Variants in CUEDC1 observed in about 807,000 individuals in gnomAD.
The protein encoded by CUEDC1 is CUE domain-containing protein 1.
A neutral mutation model predicts 43.7 loss-of-function variants in CUEDC1; 30 were observed. That is an observed-to-expected ratio of 0.69 (90% CI 0.51 to 0.93). CUEDC1 has a LOEUF of 0.93. Among genes scored for constraint, CUEDC1 ranks in the 40% least tolerant of loss-of-function variants. The pLI is 0.00. For missense variants in CUEDC1, 486 were observed against 549.0 expected, an observed-to-expected ratio of 0.89 and a Z score of 1.15; for synonymous variants, 223 against 223.6, an observed-to-expected ratio of 1.00 and a Z score of 0.02.
intron 10 of CUEDC1, 101 bp downstream of exon 10, chr17:57,866,373 G>A (rs2073957792): frequency 9.1e-7 from 1 of 1,094,762 alleles, no homozygotes; most frequent in East Asian, 2.4e-5. Flanking sequence ...CCAGTTGCCT[G>A]AGCCCAGCGC....
At chr17:57,937,731 C>T (rs2074875658) in intron 1 of CUEDC1, among the ~76,000 whole-genome samples, 1 of 151,812 alleles carries the variant, frequency 6.6e-6, no homozygotes, top group Non-Finnish European at 1.5e-5. Flanking sequence ...ATAGCAAGAC[C>T]CTATCTCTAC....
At chr17:57,878,729 C>G (rs184614788) in intron 3 of CUEDC1, among the ~76,000 whole-genome samples, 3 of 152,218 alleles carry the variant, frequency 2.0e-5, no homozygotes, top group East Asian at 1.9e-4. Flanking sequence ...TGCAGTGGCA[C>G]CATCTTGGCT....
At chr17:57,884,109 A>G (rs1297921420) in intron 2 of CUEDC1, among the ~76,000 whole-genome samples, 1 of 151,900 alleles carries the variant, frequency 6.6e-6, no homozygotes, top group Non-Finnish European at 1.5e-5. Context: ...GGCCACAGTC[A>G]GAGGGATTTA....
intron 2 of CUEDC1, among the ~76,000 whole-genome samples, chr17:57,882,414 G>T (rs555599329): frequency 2.0e-5 from 3 of 152,098 alleles, no homozygotes; most frequent in Non-Finnish European, 2.9e-5. Context: ...GCCTACCTAG[G>T]GGGTGGTGAA....
intron 1 of CUEDC1, among the ~76,000 whole-genome samples, chr17:57,945,232 T>C (rs979246750): frequency 6.6e-6 from 1 of 152,190 alleles, no homozygotes; most frequent in South Asian, 2.1e-4. Flanking sequence ...CCACAACTCA[T>C]TGAAATGGAT....
intron 1 of CUEDC1, among the ~76,000 whole-genome samples, chr17:57,919,327 G>A (rs2074677159): frequency 6.6e-6 from 1 of 151,756 alleles, no homozygotes; most frequent in Admixed American, 6.6e-5. Context: ...TTACAGGCAG[G>A]CACCACCATG....
intron 1 of CUEDC1, among the ~76,000 whole-genome samples, chr17:57,947,714 T>C (rs1488778636): frequency 6.6e-6 from 1 of 152,072 alleles, no homozygotes; most frequent in African/African-American, 2.4e-5. Flanking sequence ...GACACAAGAA[T>C]CATTTGAAAC....
intron 1 of CUEDC1, among the ~76,000 whole-genome samples, chr17:57,901,522 C>G (rs1324899368): frequency 6.6e-6 from 1 of 152,196 alleles, no homozygotes; most frequent in African/African-American, 2.4e-5. Context: ...GTGAGCCAAC[C>G]AGGACTCTGT....
intron 1 of CUEDC1, among the ~76,000 whole-genome samples, chr17:57,891,462 C>T (rs1448127698): frequency 6.6e-6 from 1 of 152,234 alleles, no homozygotes; most frequent in Non-Finnish European, 1.5e-5. Context: ...CCCTAGCTCC[C>T]TGCCTCCCAC....
chr17:57,888,474 A>G (rs1244355722), intron 1 of CUEDC1, among the ~76,000 whole-genome samples: 1 of 152,252 alleles, frequency 6.6e-6, no homozygotes, highest in Non-Finnish European at 1.5e-5. Context: ...TTTCACAAGA[A>G]GACACAGAGG....
chr17:57,909,504 C>T (rs1355809941), intron 1 of CUEDC1, among the ~76,000 whole-genome samples: 2 of 152,210 alleles, frequency 1.3e-5, no homozygotes, highest in East Asian at 1.9e-4. Context: ...GGAGCCCTTC[C>T]ACATCTCCTG....
At chr17:57,873,543 A>T in intron 4 of CUEDC1, 48 bp downstream of exon 4, 1 of 1,501,988 alleles carries the variant, frequency 6.7e-7, no homozygotes, top group Admixed American at 2.2e-5. Context: ...GCAAAGAGAG[A>T]TGCTGGACAA....
At chr17:57,887,356 G>A (rs183753125) in intron 1 of CUEDC1, among the ~76,000 whole-genome samples, 13 of 152,276 alleles carry the variant, frequency 8.5e-5, no homozygotes, top group Non-Finnish European at 1.8e-4. Flanking sequence ...AATGGAATGC[G>A]CCTAAACACC....
At chr17:57,941,088 G>A (rs1298832002) in intron 1 of CUEDC1, among the ~76,000 whole-genome samples, 2 of 152,186 alleles carry the variant, frequency 1.3e-5, no homozygotes, top group African/African-American at 2.4e-5. Context: ...TCTGGGCGCA[G>A]ACACATGGGA....
At chr17:57,875,450 C>T (rs1568030973) in intron 3 of CUEDC1, among the ~76,000 whole-genome samples, 1 of 152,186 alleles carries the variant, frequency 6.6e-6, no homozygotes, top group Non-Finnish European at 1.5e-5. Flanking sequence ...AGGCCCAGCC[C>T]CCTCCCGGCC....
At chr17:57,953,558 T>C (rs1383347298) in intron 1 of CUEDC1, among the ~76,000 whole-genome samples, 1 of 152,216 alleles carries the variant, frequency 6.6e-6, no homozygotes, top group Non-Finnish European at 1.5e-5. Context: ...GAGGTCTCAA[T>C]GGAGGTCCTG....
chr17:57,891,652 T>C (rs7209692), intron 1 of CUEDC1, among the ~76,000 whole-genome samples: 35,923 of 152,192 alleles, frequency 0.24, 5,577 homozygotes, highest in African/African-American at 0.43. Context: ...TAACTCTCTG[T>C]GGCCACCTGG....
chr17:57,902,101 G>A (rs1597996487), intron 1 of CUEDC1, among the ~76,000 whole-genome samples: 1 of 151,920 alleles, frequency 6.6e-6, no homozygotes, highest in African/African-American at 2.4e-5. Context: ...TTGAGCCCAG[G>A]AGGCAGAGGT....
chr17:57,922,773 A>C (rs921099338), intron 1 of CUEDC1, among the ~76,000 whole-genome samples: 2 of 152,140 alleles, frequency 1.3e-5, no homozygotes, highest in Non-Finnish European at 2.9e-5. Context: ...AACTATTACC[A>C]TCATGATCGC....
Sources: gnomAD v4.1 joint callset for allele counts (sites outside exome capture counted in the v4.1 genomes callset) on GRCh38, gnomAD v4.1.1 for gene constraint, MANE v1.5 for transcripts, NCBI Gene and HGNC (gene_info 2026-07-23, HGNC 2026-07-21) for gene names.